Variants in WDR47 observed in about 807,000 individuals in gnomAD.
WDR47 encodes the protein WD repeat-containing protein 47.
A neutral mutation model predicts 97.2 loss-of-function variants in WDR47; 32 were observed. The observed-to-expected ratio is 0.33, with a 90% CI of 0.25 to 0.44. The LOEUF (loss-of-function observed/expected upper bound fraction) is 0.44. Ranked by LOEUF, WDR47 falls within the 20% of genes least tolerant of loss-of-function variation. WDR47 has a pLI of 1.00. For missense variants in WDR47, 782 were observed against 1,102.3 expected (o/e 0.71, Z 4.11); for synonymous variants, 375 against 373.5 (o/e 1.00, Z -0.05).
chr1:109,022,033 A>C (rs1661886318), intron 2 of WDR47, among the ~76,000 whole-genome samples: 1 of 151,900 alleles, frequency 6.6e-6, no homozygotes, highest in South Asian at 2.1e-4. Context: ...TTTTTAGTAG[A>C]GACGGGGTTT....
At position 109,029,671 on chromosome 1, in the gene WDR47, C is replaced by CAAAATAAATAAATAAA. The variant is rs1219433668; in HGVS notation, c.-9-6151_-9-6150insTTTATTTATTTATTTT. Among the ~76,000 whole-genome samples the CAAAATAAATAAATAAA allele has an allele frequency of 2.8e-3, 389 of 140,664 alleles. 6 individuals carry two copies. Among genetic ancestry groups the CAAAATAAATAAATAAA allele is most frequent in the African/African-American group, 9.0e-3 (338 of 37,546 alleles). The allele number at this position is 140,664 out of a possible 152,430, so 92.3% of individuals were successfully genotyped here. A position where few individuals can be genotyped will look rare whatever the true frequency, so the allele number is the denominator to read the frequency against. ...TGGGTGACAGAGCGAGACTCTGTCT[C>CAAAATAAATAAATAAA]TAAATAAATAAATAAATAAATAAAT... On this transcript the variant is annotated intron_variant, in intron 1 of 14. Transcript: ENST00000369962.
At chr1:109,036,874 C>T (rs973455206) in intron 1 of WDR47, among the ~76,000 whole-genome samples, 3 of 152,066 alleles carry the variant, frequency 2.0e-5, no homozygotes, top group African/African-American at 7.2e-5. Flanking sequence ...CACAACACTC[C>T]AGGTGTGGTC....
Position 109,033,077 on chromosome 1 carries a change from T to A in WDR47, c.-10+8785A>T, listed in dbSNP as rs561319641. 7.3e-5 allele frequency among the ~76,000 whole-genome samples: 11 copies of A among 151,520 alleles called. No homozygotes were observed. In the East Asian group the frequency reaches 1.8e-3, roughly 24 times the overall value. ...TTGGGAGGCCAAGGCAGGTGGATCA[T>A]GAGGTCAGGAGTTCAAGACCAGCCT... On this transcript the variant is annotated intron_variant, in intron 1 of 14. Transcript: ENST00000369962.
intron 9 of WDR47, among the ~76,000 whole-genome samples, chr1:108,990,007 T>C (rs190736411): frequency 6.6e-6 from 1 of 152,178 alleles, no homozygotes; most frequent in African/African-American, 2.4e-5. Context: ...AAAATTTTTT[T>C]AAATTTGTTG....
intron 1 of WDR47, among the ~76,000 whole-genome samples, chr1:109,035,815 TC>T (rs1256899859): frequency 6.6e-6 from 1 of 151,454 alleles, no homozygotes. Flanking sequence ...TTTTGTATCT[TC>T]TTTTTTTTTT....
chr1:109,038,994 T>TAATA (rs200117651), intron 1 of WDR47, among the ~76,000 whole-genome samples: 5,456 of 139,654 alleles, frequency 0.039, 110 homozygotes, highest in South Asian at 0.08. Context: ...ATAACAATAA[T>TAATA]AATAAATAAA....
chr1:108,990,761 G>A (rs1387259837), intron 9 of WDR47, among the ~76,000 whole-genome samples: 2 of 151,932 alleles, frequency 1.3e-5, no homozygotes, highest in East Asian at 3.9e-4. Context: ...AAAAAAAAAG[G>A]TGTACCGATG....
In WDR47 at chr1:109,020,241, T is replaced by G. The variant is rs865987680; in HGVS notation, c.159-2640A>C. ...AAGATGAACATATTTAGTTGTTTTT[T>G]TTTTTTTTTTTTTGAGACAGAGTCT... is the stretch of plus-strand genomic sequence containing the variant. On this transcript the variant is annotated intron_variant, in intron 2 of 14. Coordinates refer to ENST00000369962, the MANE Select transcript of WDR47 (RefSeq NM_001142551.2). Among the ~76,000 whole-genome samples, 107 of 150,096 alleles carry G rather than the reference T, an allele frequency of 7.1e-4. 1 individual carries two copies. The highest frequency in any genetic ancestry group is 1.2e-3 in the Admixed American group (18 of 15,036).
chr1:108,996,886 G>C (rs1164155764), intron 7 of WDR47, among the ~76,000 whole-genome samples: 1 of 152,164 alleles, frequency 6.6e-6, no homozygotes, highest in Non-Finnish European at 1.5e-5. Context: ...GGGAGGCTGA[G>C]GTGGGCGGAT....
In WDR47 at chr1:108,975,958, T is replaced by C. The variant is rs558118757; in HGVS notation, c.2399-1204A>G. On this transcript the variant is annotated intron_variant, in intron 13 of 14. Transcript: ENST00000369962. ...ACAGCTTACAGGAAGGTAGATCAGT[T>C]TGGCTGGAGATAAAAGTTAACTTGA... Among the ~76,000 whole-genome samples, 8 of 152,292 alleles carry C rather than the reference T, an allele frequency of 5.3e-5. No homozygotes were observed. In the South Asian group the frequency reaches 1.7e-3, roughly 32 times the overall value.
intron 10 of WDR47, among the ~76,000 whole-genome samples, chr1:108,985,762 T>G (rs1658740545): frequency 6.6e-6 from 1 of 152,146 alleles, no homozygotes; most frequent in Non-Finnish European, 1.5e-5. Context: ...AACATATAAG[T>G]CTTTGGTTCT....
intron 4 of WDR47, among the ~76,000 whole-genome samples, chr1:109,012,688 G>T (rs1055341233): frequency 2.0e-5 from 3 of 151,830 alleles, no homozygotes; most frequent in African/African-American, 7.3e-5. Flanking sequence ...TTTGTATAGT[G>T]AATATTGTCT....
rs544368477 is a variant in WDR47 at position 109,025,409 on chromosome 1, C to T, written c.-9-1888G>A. On this transcript the variant is annotated intron_variant, in intron 1 of 14. Transcript: ENST00000369962. ...TCATACCACTGCACTCCAGCCTGGG[C>T]GGTAGCGTGAGACTCTGCCTCAAAA... Among the ~76,000 whole-genome samples the T allele has an allele frequency of 1.1e-4, 13 of 123,794 alleles. 1 individual carries two copies. Among genetic ancestry groups the T allele is most frequent in the African/African-American group, 3.5e-4 (11 of 31,658 alleles). 81.2% of individuals were successfully genotyped at this position (123,794 alleles called of 152,430 possible).
chr1:109,013,305 CACTTT>C (rs1661180348), intron 4 of WDR47, among the ~76,000 whole-genome samples: 1 of 152,148 alleles, frequency 6.6e-6, no homozygotes, highest in Non-Finnish European at 1.5e-5. Flanking sequence ...TGGACTAAGA[CACTTT>C]ACTTCAGTTA....
At chr1:108,982,992 T>C (rs1658463146) in intron 11 of WDR47, among the ~76,000 whole-genome samples, 3 of 152,104 alleles carry the variant, frequency 2.0e-5, no homozygotes, top group Admixed American at 2.0e-4. Context: ...TTGTCTCTTA[T>C]CCCAAAGAAA....
intron 9 of WDR47, among the ~76,000 whole-genome samples, chr1:108,990,872 T>C (rs1659283733): frequency 6.6e-6 from 1 of 152,176 alleles, no homozygotes; most frequent in African/African-American, 2.4e-5. Flanking sequence ...GCCATTAATA[T>C]GAACACTCCC....
At chr1:109,040,516 A>C (rs1663280435) in intron 1 of WDR47, among the ~76,000 whole-genome samples, 1 of 117,006 alleles carries the variant, frequency 8.5e-6, no homozygotes, top group Non-Finnish European at 1.8e-5. Context: ...AATCCCGTCC[A>C]AAAAAAAAAA....
At chr1:108,980,996 C>T (rs1306008525) in intron 13 of WDR47, among the ~76,000 whole-genome samples, 5 of 151,182 alleles carry the variant, frequency 3.3e-5, no homozygotes, top group African/African-American at 9.7e-5. Flanking sequence ...GGCATGGTGG[C>T]GGGCTCCTGT....
At chr1:109,039,566 C>A (rs1663204866) in intron 1 of WDR47, among the ~76,000 whole-genome samples, 1 of 152,114 alleles carries the variant, frequency 6.6e-6, no homozygotes, top group African/African-American at 2.4e-5. Context: ...CCGGTATAAA[C>A]CCTTTTTTAA....
Sources: gnomAD v4.1 joint callset for allele counts (sites outside exome capture counted in the v4.1 genomes callset) on GRCh38, gnomAD v4.1.1 for gene constraint, MANE v1.5 for transcripts, NCBI Gene and HGNC (gene_info 2026-07-23, HGNC 2026-07-21) for gene names.